IL18R1: variants seen among roughly 807,000 people sequenced by gnomAD.
IL18R1 encodes interleukin-18 receptor 1.
In IL18R1, 40 loss-of-function variants were observed where a neutral mutation model predicts 48.5. The ratio of observed to expected loss-of-function variants is 0.82; its 90% CI spans 0.64 to 1.07. IL18R1 has a LOEUF of 1.07. IL18R1 is among the 50% of genes least tolerant of loss of function. The probability of loss-of-function intolerance (pLI) is 0.00; values close to 1 mark genes in which losing one functional copy is unlikely to be tolerated. For missense variants in IL18R1, 596 were observed against 633.7 expected (o/e 0.94, Z 0.64); for synonymous variants, 232 against 225.9 (o/e 1.03, Z -0.24).
chr2:102,397,092 T>C lies in IL18R1; in HGVS notation c.*206T>C. ...TGTGGTCACGTGCTCCCAGAAGACC[T>C]GGAATTCAAAAGAAATGGAGCTATT... On this transcript the variant is annotated 3_prime_UTR_variant, in exon 11 of 11. Coordinates refer to ENST00000233957, the MANE Select transcript of IL18R1 (RefSeq NM_003855.5). 1 of 486,490 alleles carries C rather than the reference T, an allele frequency of 2.1e-6. No homozygotes were observed. The highest frequency in any genetic ancestry group is 3.6e-6 in the Non-Finnish European group (1 of 278,240). The allele number at this position is 486,490 out of a possible 1,614,324, so 30.1% of individuals were successfully genotyped here. A position where few individuals can be genotyped will look rare whatever the true frequency, so the allele number is the denominator to read the frequency against.
At position 102,394,362 on chromosome 2, in the gene IL18R1, T is replaced by C. The variant is rs1302367019; in HGVS notation, c.1112-107T>C. 7 of 814,844 alleles carry C rather than the reference T, an allele frequency of 8.6e-6. No individual in the cohort carries two copies. The Admixed American group carries it at 1.4e-4, about 16-fold the overall frequency. 50.5% of individuals were successfully genotyped at this position (814,844 alleles called of 1,614,324 possible). The stretch of plus-strand genomic sequence containing the variant: ...AATATAAACAACTTTATATATAATT[T>C]GTTTTTTCAATGATTCTATACTCAT... On this transcript the variant is annotated intron_variant, in intron 9 of 10. Transcript: ENST00000233957.
chr2:102,381,705 T>A (rs1408561073), intron 6 of IL18R1, 23 bp downstream of exon 6: 4 of 1,532,032 alleles, frequency 2.6e-6, no homozygotes, highest in Non-Finnish European at 3.6e-6. Flanking sequence ...ATACATATAT[T>A]CTGCATTTAT....
intron 9 of IL18R1, among the ~76,000 whole-genome samples, chr2:102,392,880 TTACTC>T (rs1680626640): frequency 2.0e-5 from 3 of 152,286 alleles, no homozygotes; most frequent in South Asian, 4.1e-4. Context: ...TTTGAATACT[TTACTC>T]TGTCAATTCT....
Position 102,387,008 on chromosome 2 carries a change from A to C in IL18R1, c.949+8A>C, listed in dbSNP as rs1311820765. 1.2e-6 allele frequency: 2 copies of C among 1,608,354 alleles called. No individual in the cohort carries two copies. The highest frequency in any genetic ancestry group is 2.2e-5 in the South Asian group (2 of 89,636). ...TCATCTTGGTGAGAAAAGGTGAGAA[A>C]GATTTATTTTTGGAAGTTTTGAAAC... On this transcript the variant is annotated splice_region_variant and intron_variant, in intron 8 of 10. Transcript: ENST00000233957.
At chr2:102,396,044 C>A (rs1277066845) in intron 10 of IL18R1, among the ~76,000 whole-genome samples, 2 of 152,100 alleles carry the variant, frequency 1.3e-5, no homozygotes, top group African/African-American at 4.8e-5. Flanking sequence ...TTTTGTTGTG[C>A]CTTTTTGTCT....
intron 1 of IL18R1, among the ~76,000 whole-genome samples, chr2:102,358,217 A>G (rs1465774130): frequency 6.6e-6 from 1 of 152,094 alleles, no homozygotes; most frequent in Non-Finnish European, 1.5e-5. Context: ...TTCCCTGTAC[A>G]TTATGTGTTT....
chr2:102,396,835 C>G lies in IL18R1; in HGVS notation c.1575C>G (p.Val525=). Residue 525 remains valine, a synonymous_variant, in exon 11 of 11, where the codon GTC becomes GTG. Transcript: ENST00000233957. The stretch of plus-strand genomic sequence containing the variant: ...TTTACTTAATGCCTGCAAAAACAGT[C>G]AAGCCAGGTAGAGACGAACCGGAAG... The part of the protein sequence containing the change: ...NLLYLMPAKT[V]KPGRDEPEVL... The G allele has an allele frequency of 6.2e-7, 1 of 1,611,074 alleles. No individual in the cohort carries two copies. Among genetic ancestry groups the G allele is most frequent in the South Asian group, 1.1e-5 (1 of 90,328 alleles).
At chr2:102,384,011 G>A (rs751955910) in intron 6 of IL18R1, among the ~76,000 whole-genome samples, 13 of 151,960 alleles carry the variant, frequency 8.6e-5, no homozygotes, top group Non-Finnish European at 1.8e-4. Context: ...ACTTTTTATT[G>A]TTGTTGATCT....
intron 1 of IL18R1, 133 bp from the exon 2 acceptor site, chr2:102,362,500 A>C (rs1678634603): frequency 1.9e-6 from 1 of 514,138 alleles, no homozygotes; most frequent in African/African-American, 2.0e-5. Context: ...ATTGGTTACT[A>C]TATTAAGGAT....
intron 10 of IL18R1, among the ~76,000 whole-genome samples, chr2:102,395,553 AT>A (rs1197359983): frequency 6.6e-6 from 1 of 152,204 alleles, no homozygotes; most frequent in African/African-American, 2.4e-5. Context: ...TGTCAAAAAA[AT>A]ATGCCAGATT....
At chr2:102,390,669 C>T (rs551217722) in intron 9 of IL18R1, among the ~76,000 whole-genome samples, 2 of 152,092 alleles carry the variant, frequency 1.3e-5, no homozygotes, top group Non-Finnish European at 2.9e-5. Flanking sequence ...CGCGGTGGCT[C>T]ACGCCTGTAA....
chr2:102,377,380 T>C (rs1679650940), intron 5 of IL18R1, among the ~76,000 whole-genome samples: 1 of 152,240 alleles, frequency 6.6e-6, no homozygotes, highest in African/African-American at 2.4e-5. Context: ...TGGCGCAGCC[T>C]TGGGGCTCAC....
At chr2:102,361,386 A>G (rs1678565014) in intron 1 of IL18R1, among the ~76,000 whole-genome samples, 1 of 152,176 alleles carries the variant, frequency 6.6e-6, no homozygotes, top group East Asian at 1.9e-4. Flanking sequence ...TGATTTTTCC[A>G]TAAGGATGTA....
intron 2 of IL18R1, among the ~76,000 whole-genome samples, chr2:102,364,517 A>G (rs11465576): frequency 0.048 from 7,264 of 152,284 alleles, 276 homozygotes; most frequent in East Asian, 0.17. Context: ...TTGCATGTCA[A>G]TTGAAGCTGA....
intron 8 of IL18R1, among the ~76,000 whole-genome samples, chr2:102,389,150 A>G (rs1291124131): frequency 3.3e-5 from 5 of 152,190 alleles, no homozygotes; most frequent in African/African-American, 9.7e-5. Flanking sequence ...AAAAATTGCA[A>G]TCAATCTAAA....
rs1678222882 is a variant in IL18R1 at position 102,355,983 on chromosome 2, C to T, written c.-446C>T. On this transcript the variant is annotated 5_prime_UTR_variant, in exon 1 of 11. Transcript: ENST00000233957. ...CCTGGAGCACGGCTGCGAGGAGCAC[C>T]CGGACCGGAGGGTCCCCAGACCGGG... 1 of 152,238 alleles carries T rather than the reference C, an allele frequency of 6.6e-6. No individual in the cohort carries two copies. The highest frequency in any genetic ancestry group is 1.5e-5 in the Non-Finnish European group (1 of 68,110). The allele number at this position is 152,238 out of a possible 1,614,324, so 9.4% of individuals were successfully genotyped here.
At position 102,390,224 on chromosome 2, in the gene IL18R1, C is replaced by CT. The variant is rs1257711835; in HGVS notation, c.1111+7_1111+8insT. ...AGAGATGAAACATTAACAGGTAACA[C>CT]ATATAATGCTGGAATTTCTTACCTT... is the stretch of plus-strand genomic sequence containing the variant. On this transcript the variant is annotated splice_region_variant and intron_variant, in intron 9 of 10. Coordinates refer to ENST00000233957, the MANE Select transcript of IL18R1 (RefSeq NM_003855.5). 1 of 1,611,440 alleles carries CT rather than the reference C, an allele frequency of 6.2e-7. No homozygotes were observed. The highest frequency in any genetic ancestry group is 8.5e-7 in the Non-Finnish European group (1 of 1,177,784).
intron 8 of IL18R1, among the ~76,000 whole-genome samples, chr2:102,389,785 G>A (rs901387586): frequency 2.0e-5 from 3 of 152,120 alleles, no homozygotes; most frequent in East Asian, 1.9e-4. Context: ...TGATTTCCAC[G>A]GGTACGGATA....
At chr2:102,386,744 A>G (rs1259250623) in intron 7 of IL18R1, 117 bp from the exon 8 acceptor site, 3 of 1,030,730 alleles carry the variant, frequency 2.9e-6, no homozygotes, top group Middle Eastern at 5.3e-4. Context: ...ACTGGCCAGA[A>G]AGGGAAGAAA....
Sources: gnomAD v4.1 joint callset for allele counts (sites outside exome capture counted in the v4.1 genomes callset) on GRCh38, gnomAD v4.1.1 for gene constraint, MANE v1.5 for transcripts, NCBI Gene and HGNC (gene_info 2026-07-23, HGNC 2026-07-21) for gene names.